NDUFAF2: variants seen among roughly 807,000 people sequenced by gnomAD.
NDUFAF2 encodes NADH dehydrogenase [ubiquinone] 1 alpha subcomplex assembly factor 2.
In NDUFAF2, 13 loss-of-function variants were observed where a neutral mutation model predicts 22.8. The observed-to-expected ratio is 0.57, with a 90% confidence interval of 0.37 to 0.91. The LOEUF (loss-of-function observed/expected upper bound fraction) is 0.91. Ranked by LOEUF, NDUFAF2 falls within the 40% of genes least tolerant of loss-of-function variation. The pLI, the probability that NDUFAF2 is intolerant of heterozygous loss-of-function variation, is 0.01. For missense variants in NDUFAF2, 162 were observed against 195.2 expected (o/e 0.83, Z 1.01); for synonymous variants, 53 against 64.2 (o/e 0.83, Z 0.84).
chr5:61,136,374 A>G (rs895738150), intron 3 of NDUFAF2, among the ~76,000 whole-genome samples: 1 of 152,060 alleles, frequency 6.6e-6, no homozygotes, highest in Non-Finnish European at 1.5e-5. Flanking sequence ...AGTGTGATCT[A>G]TGGAAGACTT....
At chr5:61,042,931 A>C (rs1751901407) in intron 1 of NDUFAF2, among the ~76,000 whole-genome samples, 1 of 152,200 alleles carries the variant, frequency 6.6e-6, no homozygotes, top group Non-Finnish European at 1.5e-5. Context: ...TGAAAAGATC[A>C]GTGGTTGGCT....
At chr5:61,035,979 A>G (rs1418892100) in intron 1 of NDUFAF2, among the ~76,000 whole-genome samples, 6 of 152,184 alleles carry the variant, frequency 3.9e-5, no homozygotes, top group Non-Finnish European at 4.4e-5. Context: ...ATAAACCACA[A>G]AACTCACCGG....
intron 1 of NDUFAF2, among the ~76,000 whole-genome samples, chr5:60,974,821 A>T (rs1750881085): frequency 6.6e-6 from 1 of 151,868 alleles, no homozygotes; most frequent in Non-Finnish European, 1.5e-5. Flanking sequence ...TTGTTTATTT[A>T]TTTATTTATT....
At chr5:60,994,335 G>A (rs1199295196) in intron 1 of NDUFAF2, among the ~76,000 whole-genome samples, 1 of 152,228 alleles carries the variant, frequency 6.6e-6, no homozygotes, top group Non-Finnish European at 1.5e-5. Context: ...ACCTGGCAGG[G>A]TGTGGCTCCT....
chr5:61,086,754 T>TA (rs554552179), intron 2 of NDUFAF2, among the ~76,000 whole-genome samples: 5 of 151,824 alleles, frequency 3.3e-5, no homozygotes, highest in South Asian at 4.2e-4. Flanking sequence ...AACACAAACT[T>TA]AAAAAAAATG....
chr5:61,124,688 A>G (rs1753014111), intron 3 of NDUFAF2, among the ~76,000 whole-genome samples: 1 of 152,122 alleles, frequency 6.6e-6, no homozygotes, highest in African/African-American at 2.4e-5. Flanking sequence ...GCTAGTGGCT[A>G]CCATATTGCA....
intron 1 of NDUFAF2, among the ~76,000 whole-genome samples, chr5:61,050,740 A>G (rs1326701396): frequency 6.6e-6 from 1 of 152,190 alleles, no homozygotes; most frequent in African/African-American, 2.4e-5. Context: ...GACAGTAGTC[A>G]GCAGTAACAC....
chr5:60,998,376 ATTG>A lies in NDUFAF2; in HGVS notation c.127+52999_127+53001del, dbSNP rs536750897. ...TAAGGTATGTGAAACCTCCAAATAA[ATTG>A]TTGTAGCAACAAGAAATTAATGCTA... On this transcript the variant is annotated intron_variant, in intron 1 of 3. Coordinates refer to ENST00000296597, the MANE Select transcript of NDUFAF2 (RefSeq NM_174889.5). Among the ~76,000 whole-genome samples the A allele has an allele frequency of 3.9e-4, 60 of 152,286 alleles. No homozygotes were observed. In the South Asian group the frequency reaches 0.011, roughly 28 times the overall value.
intron 1 of NDUFAF2, chr5:61,050,254 G>A (rs1752008102): frequency 6.6e-6 from 1 of 151,976 alleles, no homozygotes; most frequent in Non-Finnish European, 1.5e-5. Flanking sequence ...TTATTCTGGG[G>A]TTTTTGTAGA....
chr5:61,035,429 T>G (rs1373612325), intron 1 of NDUFAF2, among the ~76,000 whole-genome samples: 5 of 144,812 alleles, frequency 3.5e-5, no homozygotes, highest in Non-Finnish European at 4.5e-5. Context: ...GCTCTGTTTT[T>G]TTTTTTTTTT....
At chr5:61,001,890 T>A (rs1751300586) in intron 1 of NDUFAF2, among the ~76,000 whole-genome samples, 1 of 152,014 alleles carries the variant, frequency 6.6e-6, no homozygotes, top group African/African-American at 2.4e-5. Context: ...AAATGATAAA[T>A]CCTTCTTATT....
At chr5:61,056,889 CAAAAAAAAAAAAAAAAA>C (rs144850054) in intron 1 of NDUFAF2, among the ~76,000 whole-genome samples, 5 of 46,794 alleles carry the variant, frequency 1.1e-4, no homozygotes, top group African/African-American at 6.8e-4. Flanking sequence ...ACTCTGTCTC[CAAAAAAAAAAAAAAAAA>C]AAAAAAAAAA....
intron 3 of NDUFAF2, among the ~76,000 whole-genome samples, chr5:61,106,416 G>T (rs1215047832): frequency 1.3e-5 from 2 of 151,080 alleles, no homozygotes; most frequent in African/African-American, 4.9e-5. Context: ...GATTTTGTGG[G>T]TACTTAGTAG....
At chr5:61,114,303 C>T (rs891787603) in intron 3 of NDUFAF2, 5 of 152,060 alleles carry the variant, frequency 3.3e-5, no homozygotes, top group African/African-American at 1.2e-4. Flanking sequence ...CTTATCATTT[C>T]TGCTGTTAAG....
At chr5:61,105,611 A>G (rs562143178) in intron 3 of NDUFAF2, among the ~76,000 whole-genome samples, 1 of 138,278 alleles carries the variant, frequency 7.2e-6, no homozygotes, top group East Asian at 2.3e-4. Context: ...GATAAATCTC[A>G]GAAGCAATGA....
At chr5:61,053,964 CAT>C (rs1260477396) in intron 1 of NDUFAF2, among the ~76,000 whole-genome samples, 1 of 152,006 alleles carries the variant, frequency 6.6e-6, no homozygotes, top group Middle Eastern at 3.2e-3. Context: ...AAAAATAAAA[CAT>C]ATGAGGTGGT....
intron 1 of NDUFAF2, among the ~76,000 whole-genome samples, chr5:60,947,420 T>C (rs1750475922): frequency 6.6e-6 from 1 of 152,208 alleles, no homozygotes; most frequent in African/African-American, 2.4e-5. Context: ...TGTGCTTATT[T>C]ACTATCTACA....
chr5:61,015,531 C>G (rs1279553551), intron 1 of NDUFAF2, among the ~76,000 whole-genome samples: 3 of 152,166 alleles, frequency 2.0e-5, no homozygotes, highest in Non-Finnish European at 4.4e-5. Context: ...ATCCTCTCAC[C>G]TCGGCCTCCC....
At chr5:60,986,504 A>G (rs1751080053) in intron 1 of NDUFAF2, among the ~76,000 whole-genome samples, 1 of 152,214 alleles carries the variant, frequency 6.6e-6, no homozygotes, top group South Asian at 2.1e-4. Context: ...CTATACACTC[A>G]CATCAAAAAT....
Sources: allele counts gnomAD v4.1 joint callset (sites outside exome capture counted in the v4.1 genomes callset), GRCh38; gene constraint gnomAD v4.1.1; transcripts MANE v1.5; gene names NCBI Gene and HGNC (gene_info 2026-07-23, HGNC 2026-07-21).